Variants in SHC4 observed in about 807,000 individuals in gnomAD.
The protein encoded by SHC4 is SHC adaptor protein 4, also known as SHC-transforming protein 4.
Under a neutral mutation model 69.4 loss-of-function variants are expected in SHC4, and 41 were observed. The observed-to-expected ratio is 0.59, with a 90% confidence interval of 0.46 to 0.77. The LOEUF is 0.77. Ranked by LOEUF, SHC4 falls within the 30% of genes least tolerant of loss-of-function variation. SHC4 has a pLI of 0.00. For synonymous variants in SHC4, 318 were observed against 299.3 expected (o/e 1.06, Z -0.64); for missense variants, 777 against 783.8 (o/e 0.99, Z 0.10).
chr15:48,909,155 C>G (rs1190891926), intron 2 of SHC4, among the ~76,000 whole-genome samples: 1 of 152,142 alleles, frequency 6.6e-6, no homozygotes, highest in African/African-American at 2.4e-5. Context: ...GTCATTTTCA[C>G]AATACTGATT....
intron 3 of SHC4, 100 bp downstream of exon 3, chr15:48,890,648 C>A: frequency 7.3e-7 from 1 of 1,362,336 alleles, no homozygotes; most frequent in East Asian, 2.3e-5. Context: ...AAAGGCCAGG[C>A]TGGACCTTGG....
At chr15:48,857,653 T>C (rs1304368993) in intron 7 of SHC4, 39 bp downstream of exon 7, 8 of 1,548,780 alleles carry the variant, frequency 5.2e-6, no homozygotes, top group East Asian at 2.3e-5. Context: ...TGCACACATA[T>C]ATATATATTG....
chr15:48,867,687 A>G (rs1447207075), intron 6 of SHC4, 131 bp downstream of exon 6: 5 of 676,416 alleles, frequency 7.4e-6, no homozygotes, highest in Non-Finnish European at 1.2e-5. Flanking sequence ...TCAAATTTGC[A>G]TAATATTTCT....
intron 4 of SHC4, among the ~76,000 whole-genome samples, chr15:48,874,016 T>C (rs1899746429): frequency 6.6e-6 from 1 of 152,136 alleles, no homozygotes; most frequent in South Asian, 2.1e-4. Flanking sequence ...TATGGAAGAA[T>C]AAATGTGCAA....
rs560078308 is a variant in SHC4, at chr15:48,868,270, C to G, written c.895-401G>C. 2.0e-4 allele frequency among the ~76,000 whole-genome samples: 31 copies of G among 152,230 alleles called. 1 individual carries two copies. In the East Asian group the frequency reaches 3.3e-3, roughly 16 times the overall value. ...AAACTAAGATAGGGTATCATGATCT[C>G]CTGTTGTCCAAACATATACCACATA... On this transcript the variant is annotated intron_variant, in intron 5 of 11. Transcript: ENST00000332408.
chr15:48,835,328 G>A (rs932939015), intron 10 of SHC4, among the ~76,000 whole-genome samples: 2 of 152,152 alleles, frequency 1.3e-5, no homozygotes, highest in African/African-American at 2.4e-5. Context: ...TGCAGAGAGA[G>A]GCTCTTTATG....
chr15:48,859,793 C>A (rs1837310458), intron 6 of SHC4, among the ~76,000 whole-genome samples: 1 of 152,150 alleles, frequency 6.6e-6, no homozygotes, highest in South Asian at 2.1e-4. Context: ...AAATAGTCTC[C>A]TCCTTGCTAG....
At chr15:48,895,988 C>G (rs1307224838) in intron 2 of SHC4, among the ~76,000 whole-genome samples, 1 of 151,926 alleles carries the variant, frequency 6.6e-6, no homozygotes, top group East Asian at 1.9e-4. Flanking sequence ...CCCAGGAGCC[C>G]GATGCAGGAG....
chr15:48,945,728 T>C (rs200825545), intron 1 of SHC4, among the ~76,000 whole-genome samples: 1 of 24,186 alleles, frequency 4.1e-5, no homozygotes, highest in Non-Finnish European at 1.3e-4. Flanking sequence ...GAAGAGGGAG[T>C]GGCTAATGGT....
chr15:48,864,205 A>G (rs1899508972), intron 6 of SHC4, among the ~76,000 whole-genome samples: 1 of 152,182 alleles, frequency 6.6e-6, no homozygotes, highest in South Asian at 2.1e-4. Context: ...TTTGCATTGC[A>G]TATGATATCT....
At chr15:48,934,518 C>G (rs1192757575) in intron 1 of SHC4, among the ~76,000 whole-genome samples, 1 of 152,150 alleles carries the variant, frequency 6.6e-6, no homozygotes, top group African/African-American at 2.4e-5. Context: ...GGTAACACCA[C>G]TAGGGGAAAC....
At position 48,963,032 on chromosome 15, in the gene SHC4, A is replaced by G; in HGVS notation, c.-17T>C. 1 of 1,590,030 alleles carries G rather than the reference A, an allele frequency of 6.3e-7. No individual in the cohort carries two copies. Among genetic ancestry groups the G allele is most frequent in the Non-Finnish European group, 8.6e-7 (1 of 1,167,064 alleles). On this transcript the variant is annotated 5_prime_UTR_variant, in exon 1 of 12. Coordinates refer to ENST00000332408, the MANE Select transcript of SHC4 (RefSeq NM_203349.4). ...TTCTCGCATAGCCTTGGCAGTGCTGAAACAGGATACTGTTGCATAAATCGC... is the reference window on the plus strand; with the variant it reads ...TTCTCGCATAGCCTTGGCAGTGCTGGAACAGGATACTGTTGCATAAATCGC...
At chr15:48,832,292 A>C (rs1264352638) in intron 11 of SHC4, among the ~76,000 whole-genome samples, 2 of 152,132 alleles carry the variant, frequency 1.3e-5, no homozygotes, top group Non-Finnish European at 2.9e-5. Context: ...AGAAGAAAAA[A>C]AGAAAGGATG....
At chr15:48,914,824 T>C (rs1460391731) in intron 2 of SHC4, among the ~76,000 whole-genome samples, 1 of 152,322 alleles carries the variant, frequency 6.6e-6, no homozygotes, top group East Asian at 1.9e-4. Context: ...CAGATTCACA[T>C]TGTTGTGCAA....
intron 6 of SHC4, among the ~76,000 whole-genome samples, chr15:48,866,313 A>C (rs1300232120): frequency 6.6e-6 from 1 of 152,004 alleles, no homozygotes; most frequent in Non-Finnish European, 1.5e-5. Flanking sequence ...CATTCTTCTT[A>C]TTTAGTTTAG....
chr15:48,942,572 A>G (rs1393994515), intron 1 of SHC4, among the ~76,000 whole-genome samples: 1 of 151,938 alleles, frequency 6.6e-6, no homozygotes, highest in Non-Finnish European at 1.5e-5. Context: ...GCATGAGTGG[A>G]TTATTATTAA....
intron 4 of SHC4, among the ~76,000 whole-genome samples, chr15:48,883,349 C>G (rs1221119899): frequency 6.6e-6 from 1 of 151,984 alleles, no homozygotes; most frequent in Non-Finnish European, 1.5e-5. Flanking sequence ...AAACTGAAGC[C>G]CAGAGTAGTA....
At position 48,835,019 on chromosome 15, in the gene SHC4, G is replaced by A. The variant is rs1567048295; in HGVS notation, c.1487C>T (p.Ala496Val). ...GGCACCCGGCTGAACAGTTTCTGGT[G>A]CCTCTGAAGTCAGAACACAAAGAGA... is the stretch of plus-strand genomic sequence containing the variant. The part of the protein sequence containing the change: ...PLGSPWHCGK[A>V]PETVQPGATA... The change falls in exon 11 of 12, where the codon GCA (alanine) becomes GTA (valine). Residue 496 changes from alanine (A) to valine (V), a missense_variant. Ala to Val is a moderately conservative substitution (Grantham distance 64). Transcript: ENST00000332408. 6.2e-7 allele frequency: 1 copy of A among 1,609,008 alleles called. No homozygotes were observed.
intron 4 of SHC4, 77 bp from the exon 5 acceptor site, chr15:48,872,219 T>C (rs1265480485): frequency 1.1e-6 from 1 of 888,462 alleles, no homozygotes; most frequent in East Asian, 3.0e-5. Flanking sequence ...GTAATAGACA[T>C]ACATTTGTTT....
Sources: gnomAD v4.1 joint callset for allele counts (sites outside exome capture counted in the v4.1 genomes callset) on GRCh38, gnomAD v4.1.1 for gene constraint, MANE v1.5 for transcripts, NCBI Gene and HGNC (gene_info 2026-07-23, HGNC 2026-07-21) for gene names.